Variants in LHFPL3 observed in about 807,000 individuals in gnomAD.
The protein encoded by LHFPL3 is LHFPL tetraspan subfamily member 3 protein.
In LHFPL3, 5 loss-of-function variants were observed where a neutral mutation model predicts 19.3. The ratio of observed to expected loss-of-function variants is 0.26; its 90% CI spans 0.14 to 0.54. The LOEUF (loss-of-function observed/expected upper bound fraction) is 0.54. LHFPL3 is among the 20% of genes least tolerant of loss of function. LHFPL3 has a pLI of 0.94. For synonymous variants in LHFPL3, 133 were observed against 126.2 expected (o/e 1.05, Z -0.36); for missense variants, 249 against 307.4 (o/e 0.81, Z 1.42).
chr7:104,499,250 C>G (rs1201232250), intron 1 of LHFPL3, among the ~76,000 whole-genome samples: 1 of 152,170 alleles, frequency 6.6e-6, no homozygotes, highest in Admixed American at 6.5e-5. Context: ...GTTAGAAACA[C>G]CACTTAACCT....
At chr7:104,467,139 CAG>C (rs2115598093) in intron 1 of LHFPL3, among the ~76,000 whole-genome samples, 1 of 152,228 alleles carries the variant, frequency 6.6e-6, no homozygotes, top group Non-Finnish European at 1.5e-5. Flanking sequence ...AGTCACAAGA[CAG>C]GGCATAGTCA....
chr7:104,482,542 G>T (rs887550111), intron 1 of LHFPL3, among the ~76,000 whole-genome samples: 1 of 152,148 alleles, frequency 6.6e-6, no homozygotes, highest in Admixed American at 6.5e-5. Flanking sequence ...ACTCTTATGT[G>T]TTTATACTGT....
At chr7:104,857,480 A>G (rs1019084309) in intron 2 of LHFPL3, among the ~76,000 whole-genome samples, 1 of 152,240 alleles carries the variant, frequency 6.6e-6, no homozygotes, top group Non-Finnish European at 1.5e-5. Context: ...GTGTGCCTCA[A>G]GAAGCTCCCA....
chr7:104,379,434 T>C (rs916971337), intron 1 of LHFPL3, among the ~76,000 whole-genome samples: 1 of 152,222 alleles, frequency 6.6e-6, no homozygotes, highest in East Asian at 1.9e-4. Flanking sequence ...AACATGAAAA[T>C]GGAGTCTGCC....
At position 104,453,313 on chromosome 7, in the gene LHFPL3, C is replaced by G. The variant is rs117042942; in HGVS notation, c.445+124089C>G. 5.4e-3 allele frequency among the ~76,000 whole-genome samples: 819 copies of G among 151,236 alleles called. 43 individuals are homozygous for G. The East Asian group carries it at 0.13, about 24-fold the overall frequency. On this transcript the variant is annotated intron_variant, in intron 1 of 2. Coordinates refer to ENST00000424859, the MANE Select transcript of LHFPL3 (RefSeq NM_199000.3). The stretch of plus-strand genomic sequence containing the variant: ...AGCACTAGGGGGAGATGGCGGGAAA[C>G]TACTAGAGGCCATTTCAGGAAGAGG...
At chr7:104,799,098 A>G (rs1003669811) in intron 2 of LHFPL3, among the ~76,000 whole-genome samples, 2 of 152,270 alleles carry the variant, frequency 1.3e-5, no homozygotes, top group Non-Finnish European at 2.9e-5. Flanking sequence ...TGATTAGCTC[A>G]TAATCTTCAA....
chr7:104,881,169 CAAA>C (rs60361178), intron 2 of LHFPL3, among the ~76,000 whole-genome samples: 7 of 91,494 alleles, frequency 7.7e-5, no homozygotes, highest in Admixed American at 1.2e-4. Flanking sequence ...GATTCCATCT[CAAA>C]AAAAAAAAAA....
At chr7:104,390,924 C>T (rs145399097) in intron 1 of LHFPL3, among the ~76,000 whole-genome samples, 10,072 of 152,324 alleles carry the variant, frequency 0.066, 358 homozygotes, top group Middle Eastern at 0.099. Flanking sequence ...TTGCATTTCT[C>T]TGATGGCCAG....
intron 1 of LHFPL3, among the ~76,000 whole-genome samples, chr7:104,458,283 A>G (rs1465557410): frequency 2.0e-5 from 3 of 152,150 alleles, no homozygotes; most frequent in South Asian, 2.1e-4. Context: ...ATCTTAAATT[A>G]ATTTTTGTAC....
chr7:104,568,518 C>CAGTT (rs1395234320), intron 1 of LHFPL3, among the ~76,000 whole-genome samples: 2 of 152,162 alleles, frequency 1.3e-5, no homozygotes, highest in Non-Finnish European at 2.9e-5. Flanking sequence ...ATTTGTTGCA[C>CAGTT]AGTTAATACT....
At chr7:104,470,802 C>T (rs1249102518) in intron 1 of LHFPL3, among the ~76,000 whole-genome samples, 1 of 152,212 alleles carries the variant, frequency 6.6e-6, no homozygotes, top group Non-Finnish European at 1.5e-5. Flanking sequence ...GATGCTTTCT[C>T]TTCGCAATAG....
chr7:104,633,616 A>G (rs1264244470), intron 1 of LHFPL3, among the ~76,000 whole-genome samples: 1 of 152,204 alleles, frequency 6.6e-6, no homozygotes, highest in Non-Finnish European at 1.5e-5. Context: ...TATCAGATGT[A>G]CTGTCCACTT....
intron 1 of LHFPL3, among the ~76,000 whole-genome samples, chr7:104,423,610 G>A (rs534286231): frequency 2.6e-5 from 4 of 152,296 alleles, no homozygotes; most frequent in South Asian, 4.1e-4. Context: ...GCAGTGAGCC[G>A]TGATCATGCC....
intron 1 of LHFPL3, among the ~76,000 whole-genome samples, chr7:104,612,266 G>A (rs1791226253): frequency 6.6e-6 from 1 of 152,020 alleles, no homozygotes; most frequent in Non-Finnish European, 1.5e-5. Context: ...CTGAGTCTCT[G>A]TTTTCATATT....
At chr7:104,650,319 G>A (rs1369899780) in intron 1 of LHFPL3, among the ~76,000 whole-genome samples, 1 of 152,224 alleles carries the variant, frequency 6.6e-6, no homozygotes, top group African/African-American at 2.4e-5. Context: ...GGCAGCCTCA[G>A]AAGATGCTGA....
chr7:104,543,267 G>A (rs149431139), intron 1 of LHFPL3, among the ~76,000 whole-genome samples: 1,697 of 152,208 alleles, frequency 0.011, 36 homozygotes, highest in African/African-American at 0.039. Flanking sequence ...GGAAACAACA[G>A]GTGCTGGAGA....
At chr7:104,495,628 C>T (rs1215398750) in intron 1 of LHFPL3, among the ~76,000 whole-genome samples, 1 of 152,156 alleles carries the variant, frequency 6.6e-6, no homozygotes, top group Non-Finnish European at 1.5e-5. Context: ...CATGATCTGC[C>T]CGCCTTGGCC....
intron 1 of LHFPL3, among the ~76,000 whole-genome samples, chr7:104,479,434 C>G (rs1247622999): frequency 1.3e-5 from 2 of 151,804 alleles, no homozygotes; most frequent in Non-Finnish European, 2.9e-5. Context: ...CTCTGTCACC[C>G]ACGTTGGAGT....
intron 1 of LHFPL3, among the ~76,000 whole-genome samples, chr7:104,352,769 A>T (rs1419450368): frequency 1.3e-5 from 2 of 152,228 alleles, no homozygotes; most frequent in Non-Finnish European, 2.9e-5. Flanking sequence ...TCAGTGGAGG[A>T]CAGTTCACGT....
Sources: gnomAD v4.1 joint callset for allele counts (sites outside exome capture counted in the v4.1 genomes callset) on GRCh38, gnomAD v4.1.1 for gene constraint, MANE v1.5 for transcripts, NCBI Gene and HGNC (gene_info 2026-07-23, HGNC 2026-07-21) for gene names.